RANBP10: variants seen among roughly 807,000 people sequenced by gnomAD.
RANBP10 encodes the protein ran-binding protein 10.
RANBP10 carries 24 observed loss-of-function variants against 72.8 expected under a neutral mutation model. The observed-to-expected ratio is 0.33, with a 90% CI of 0.24 to 0.46. The LOEUF (loss-of-function observed/expected upper bound fraction) is 0.46, where lower values mean the gene tolerates loss of function less well. RANBP10 is among the 20% of genes least tolerant of loss of function. The pLI is 1.00. For missense variants in RANBP10, 679 were observed against 817.5 expected, an observed-to-expected ratio of 0.83 and a Z score of 2.07; for synonymous variants, 310 against 322.3, an observed-to-expected ratio of 0.96 and a Z score of 0.41.
intron 2 of RANBP10, among the ~76,000 whole-genome samples, chr16:67,783,749 T>C (rs893004868): frequency 6.6e-6 from 1 of 151,998 alleles, no homozygotes; most frequent in Admixed American, 6.6e-5. Flanking sequence ...AAAAAGCCAC[T>C]AAGAAGACAT....
chr16:67,731,992 G>A (rs754939025), intron 6 of RANBP10, among the ~76,000 whole-genome samples: 3 of 152,182 alleles, frequency 2.0e-5, no homozygotes, highest in Non-Finnish European at 4.4e-5. Flanking sequence ...AGCTAGCCAG[G>A]TAATCTGGCA....
chr16:67,803,292 C>T (rs145185744), intron 2 of RANBP10, among the ~76,000 whole-genome samples: 6 of 152,102 alleles, frequency 3.9e-5, no homozygotes, highest in African/African-American at 1.4e-4. Context: ...GTTTGAGAGG[C>T]CAAGGTGGGA....
chr16:67,802,390 C>T (rs1206601744), intron 2 of RANBP10, among the ~76,000 whole-genome samples: 1 of 152,204 alleles, frequency 6.6e-6, no homozygotes, highest in Non-Finnish European at 1.5e-5. Flanking sequence ...GTAATCTTAG[C>T]ACTTTGGGAG....
chr16:67,799,834 G>A (rs1025923155), intron 2 of RANBP10, among the ~76,000 whole-genome samples: 5 of 152,000 alleles, frequency 3.3e-5, no homozygotes, highest in African/African-American at 1.2e-4. Flanking sequence ...CCCAGGCTGG[G>A]ACAAAACAAT....
At position 67,744,442 on chromosome 16, in the gene RANBP10, A is replaced by C; in HGVS notation, c.414T>G (p.His138Gln). ...CATCATCACCATGGTAACCATAGGA[A>C]TGTTTGTCCCAACCTGTGGGGGAAG... ...NMNRLPGWDK[H>Q]SYGYHGDDGH... The change falls in exon 4 of 14, where the codon CAT becomes CAG. Residue 138 changes from histidine to glutamine, a missense_variant. Coordinates refer to ENST00000317506, the MANE Select transcript of RANBP10 (RefSeq NM_020850.3). 1 of 1,613,652 alleles carries C rather than the reference A, an allele frequency of 6.2e-7. No individual in the cohort carries two copies. The highest frequency in any genetic ancestry group is 8.5e-7 in the Non-Finnish European group (1 of 1,179,728).
At chr16:67,760,305 C>T (rs1023320249) in intron 3 of RANBP10, among the ~76,000 whole-genome samples, 2 of 152,230 alleles carry the variant, frequency 1.3e-5, no homozygotes, top group East Asian at 3.8e-4. Flanking sequence ...AGGGACTAGC[C>T]TCTGCCCTTG....
At chr16:67,800,357 C>T (rs949584722) in intron 2 of RANBP10, among the ~76,000 whole-genome samples, 3 of 152,100 alleles carry the variant, frequency 2.0e-5, no homozygotes, top group Admixed American at 2.0e-4. Flanking sequence ...AGGCCTACTA[C>T]TCTTGGGTAA....
chr16:67,751,660 A>T (rs907248829), intron 3 of RANBP10, among the ~76,000 whole-genome samples: 1 of 152,136 alleles, frequency 6.6e-6, no homozygotes, highest in Non-Finnish European at 1.5e-5. Flanking sequence ...TCACGCCTAT[A>T]ATCCCAGTAC....
chr16:67,804,639 G>C (rs2055301525), intron 2 of RANBP10, among the ~76,000 whole-genome samples: 1 of 152,088 alleles, frequency 6.6e-6, no homozygotes, highest in Non-Finnish European at 1.5e-5. Flanking sequence ...CTGATCTCAA[G>C]TGATCCGCCC....
intron 3 of RANBP10, among the ~76,000 whole-genome samples, chr16:67,769,628 C>A (rs2054572028): frequency 6.6e-6 from 1 of 150,468 alleles, no homozygotes; most frequent in Admixed American, 6.7e-5. Flanking sequence ...CACCTGTAAT[C>A]CCAGCTACTC....
chr16:67,804,548 C>T (rs978715719), intron 2 of RANBP10, among the ~76,000 whole-genome samples: 1 of 152,026 alleles, frequency 6.6e-6, no homozygotes, highest in Non-Finnish European at 1.5e-5. Context: ...ATTACAGGTG[C>T]ACACCACCAC....
At chr16:67,748,593 A>T (rs1232029311) in intron 3 of RANBP10, among the ~76,000 whole-genome samples, 2 of 152,108 alleles carry the variant, frequency 1.3e-5, no homozygotes, top group Non-Finnish European at 2.9e-5. Context: ...TTGTACAGAT[A>T]GGGTCTTTCT....
intron 3 of RANBP10, among the ~76,000 whole-genome samples, chr16:67,760,035 G>A (rs2054364886): frequency 6.6e-6 from 1 of 151,250 alleles, no homozygotes. Context: ...AGGAGGCAGA[G>A]CTTGCACTGA....
At chr16:67,734,672 C>T (rs1351713679) in intron 6 of RANBP10, among the ~76,000 whole-genome samples, 186 bp downstream of exon 6, 2 of 152,180 alleles carry the variant, frequency 1.3e-5, no homozygotes, top group East Asian at 1.9e-4. Flanking sequence ...CCGGAGAACT[C>T]GGTGGGAGCT....
Position 67,730,445 on chromosome 16 carries a change from C to A in RANBP10, c.890-399G>T, listed in dbSNP as rs1258005323. Among the ~76,000 whole-genome samples, 1 of 152,204 alleles carries A rather than the reference C, an allele frequency of 6.6e-6. No homozygotes were observed. Among genetic ancestry groups the A allele is most frequent in the East Asian group, 1.9e-4 (1 of 5,184 alleles). On this transcript the variant is annotated intron_variant, in intron 7 of 13. Transcript: ENST00000317506. This position sits in a 1 kb window ranked among gnomAD's most constrained non-coding sequence, Gnocchi z 4.3. ...GCTCCTCTTCAGACAGACTCCTCTC[C>A]TTCCAGGCCTCACAGGGGAATGGCA...
chr16:67,743,702 C>T (rs144945664), intron 4 of RANBP10, among the ~76,000 whole-genome samples: 1 of 152,302 alleles, frequency 6.6e-6, no homozygotes, highest in Non-Finnish European at 1.5e-5. Context: ...CTTTGTCCTG[C>T]ACCCATCCCC....
Position 67,734,993 on chromosome 16 carries a change from T to C in RANBP10, c.641A>G (p.Asp214Gly). The C allele has an allele frequency of 1.9e-6, 3 of 1,613,734 alleles. No homozygotes were observed. The highest frequency in any genetic ancestry group is 2.2e-5 in the South Asian group (2 of 91,018). ...VGLQTPGEIVDANFGQQPFLF... is the reference protein window; with the variant it reads ...VGLQTPGEIVGANFGQQPFLF... ...GAAGGGCTGCTGCCCAAAGTTGGCG[T>C]CCACAATCTCCCCAGGTGTCTGCAG... Residue 214 changes from aspartate to glycine, a missense_variant, in exon 6 of 14, where the codon GAC becomes GGC. Physicochemically the swap from Asp to Gly is moderately conservative, Grantham distance 94 (BLOSUM62 -1). Transcript: ENST00000317506.
At chr16:67,801,747 G>A (rs2055237552) in intron 2 of RANBP10, among the ~76,000 whole-genome samples, 1 of 151,974 alleles carries the variant, frequency 6.6e-6, no homozygotes, top group Non-Finnish European at 1.5e-5. Flanking sequence ...TTGAGGCTAG[G>A]AGTTGGAGAC....
chr16:67,803,329 C>T (rs2055270254), intron 2 of RANBP10, among the ~76,000 whole-genome samples: 1 of 152,044 alleles, frequency 6.6e-6, no homozygotes, highest in African/African-American at 2.4e-5. Context: ...GCCTGGGCAA[C>T]ATAGCAAGAC....
Sources: gnomAD v4.1 joint callset for allele counts (sites outside exome capture counted in the v4.1 genomes callset) on GRCh38, gnomAD v4.1.1 for gene constraint, Gnocchi (gnomAD v3.1) non-coding constraint, MANE v1.5 for transcripts, NCBI Gene and HGNC (gene_info 2026-07-23, HGNC 2026-07-21) for gene names.